Variants in ENPEP observed in about 807,000 individuals in gnomAD.
The protein encoded by ENPEP is AP-A.
Under a neutral mutation model 114.5 loss-of-function variants are expected in ENPEP, and 103 were observed. The observed-to-expected ratio is 0.90, with a 90% CI of 0.77 to 1.06. ENPEP has a LOEUF of 1.06. Ranked by LOEUF, ENPEP falls within the 50% of genes least tolerant of loss-of-function variation. The pLI, the probability that ENPEP is intolerant of heterozygous loss-of-function variation, is 0.00. For synonymous variants in ENPEP, 420 were observed against 422.0 expected, an observed-to-expected ratio of 1.00 and a Z score of 0.06; for missense variants, 1,196 against 1,161.3, an observed-to-expected ratio of 1.03 and a Z score of -0.43.
Position 110,549,826 on chromosome 4 carries a change from A to G in ENPEP, c.2441A>G (p.Gln814Arg). ...CAATACCAGAAAACTTCATTAGCTC[A>G]AGAAAAAGAAAAACTGCTGTATGGA... ...LEQYQKTSLA[Q>R]EKEKLLYGLA... Residue 814 changes from glutamine (Q) to arginine (R), a missense_variant, in exon 17 of 20, where the codon CAA (glutamine) becomes CGA (arginine). Coordinates refer to ENST00000265162, the MANE Select transcript of ENPEP (RefSeq NM_001977.4). 1 of 1,613,154 alleles carries G rather than the reference A, an allele frequency of 6.2e-7. No individual in the cohort carries two copies. The highest frequency in any genetic ancestry group is 2.2e-5 in the East Asian group (1 of 44,846).
At chr4:110,519,959 A>G in intron 8 of ENPEP, 49 bp from the exon 9 acceptor site, 1 of 1,553,086 alleles carries the variant, frequency 6.4e-7, no homozygotes. Flanking sequence ...TGAAAGTATG[A>G]GAAAAGCAAA....
In ENPEP at chr4:110,506,768, T is replaced by C. The variant is rs751371250; in HGVS notation, c.1039+11T>C. On this transcript the variant is annotated intron_variant, in intron 4 of 19. Coordinates refer to ENST00000265162, the MANE Select transcript of ENPEP (RefSeq NM_001977.4). ...CTCTTCCTAAATTAGGTGAGGATCATTTTTTAATTTTCTTATTTTTAATAT... is the reference window on the plus strand; with the variant it reads ...CTCTTCCTAAATTAGGTGAGGATCACTTTTTAATTTTCTTATTTTTAATAT... 1.3e-6 allele frequency: 2 copies of C among 1,504,014 alleles called. No homozygotes were observed. Among genetic ancestry groups the C allele is most frequent in the Non-Finnish European group, 1.8e-6 (2 of 1,105,920 alleles). The allele number at this position is 1,504,014 out of a possible 1,614,324, so 93.2% of individuals were successfully genotyped here. A position where few individuals can be genotyped will look rare whatever the true frequency, so the allele number is the denominator to read the frequency against.
At chr4:110,499,736 A>C (rs1725081637) in intron 3 of ENPEP, among the ~76,000 whole-genome samples, 1 of 152,214 alleles carries the variant, frequency 6.6e-6, no homozygotes, top group African/African-American at 2.4e-5. Flanking sequence ...TGATATTGCC[A>C]AATTAGTTTG....
chr4:110,476,537 A>T lies in ENPEP; in HGVS notation c.123A>T (p.Arg41Ser), dbSNP rs755520132. The change falls in exon 1 of 20, where the codon AGA (arginine) becomes AGT (serine). Residue 41 changes from arginine (R) to serine (S), a missense_variant. Transcript: ENST00000265162. ...TGGGACTTGCCGTGGGCTTGACCAG[A>T]TCGTGTGACTCCAGCGGGGACGGCG... ...LIVGLAVGLT[R>S]SCDSSGDGGP... The T allele has an allele frequency of 1.2e-6, 2 of 1,610,538 alleles. No individual in the cohort carries two copies. Among genetic ancestry groups the T allele is most frequent in the Admixed American group, 3.3e-5 (2 of 59,894 alleles).
chr4:110,509,560 A>G, intron 4 of ENPEP, 93 bp from the exon 5 acceptor site: 1 of 1,468,744 alleles, frequency 6.8e-7, no homozygotes, highest in Non-Finnish European at 9.1e-7. Context: ...TAGGCTTTTA[A>G]AAAACATTCA....
In ENPEP at chr4:110,541,476, A is replaced by G. The variant is rs112286190; in HGVS notation, c.1808-1275A>G. Among the ~76,000 whole-genome samples the G allele has an allele frequency of 3.8e-3, 581 of 152,150 alleles. 1 individual carries two copies. Among genetic ancestry groups the G allele is most frequent in the African/African-American group, 0.013 (552 of 41,522 alleles). On this transcript the variant is annotated intron_variant, in intron 11 of 19. Transcript: ENST00000265162. Reference sequence around the variant, plus strand: ...CTCTTGAATGCATCAACTTCTTTCTAGTTTCATCATCTCCACATTAGTGTA... The same window carrying G: ...CTCTTGAATGCATCAACTTCTTTCTGGTTTCATCATCTCCACATTAGTGTA...
intron 3 of ENPEP, among the ~76,000 whole-genome samples, chr4:110,495,293 G>A (rs561212120): frequency 1.3e-5 from 2 of 152,218 alleles, no homozygotes; most frequent in East Asian, 1.9e-4. Flanking sequence ...AAAATCCCCC[G>A]TATTAGTATA....
chr4:110,503,074 G>A (rs909936150), intron 3 of ENPEP, among the ~76,000 whole-genome samples: 1 of 152,056 alleles, frequency 6.6e-6, no homozygotes, highest in African/African-American at 2.4e-5. Flanking sequence ...CCCACGACAG[G>A]CCCTGGTGTG....
intron 11 of ENPEP, among the ~76,000 whole-genome samples, chr4:110,534,814 T>C (rs951104912): frequency 2.6e-5 from 4 of 151,048 alleles, no homozygotes; most frequent in Non-Finnish European, 5.9e-5. Context: ...TGGCCTCTCT[T>C]TTTTTTTTCT....
At chr4:110,497,139 G>A (rs1724974464) in intron 3 of ENPEP, among the ~76,000 whole-genome samples, 1 of 152,158 alleles carries the variant, frequency 6.6e-6, no homozygotes, top group Non-Finnish European at 1.5e-5. Flanking sequence ...TTCCCCAGTG[G>A]ATGTCCACAA....
At chr4:110,534,758 C>T (rs1193052461) in intron 11 of ENPEP, among the ~76,000 whole-genome samples, 4 of 151,952 alleles carry the variant, frequency 2.6e-5, no homozygotes, top group Admixed American at 2.6e-4. Flanking sequence ...ATCTACCTGC[C>T]TCAGCCTCCC....
At chr4:110,502,372 T>TATTTCCTACC (rs1725195852) in intron 3 of ENPEP, among the ~76,000 whole-genome samples, 1 of 152,218 alleles carries the variant, frequency 6.6e-6, no homozygotes, top group Admixed American at 6.5e-5. Context: ...TCTGGAATGG[T>TATTTCCTACC]ATTTCCTAGG....
intron 11 of ENPEP, among the ~76,000 whole-genome samples, chr4:110,535,799 C>T (rs1435848078): frequency 1.3e-5 from 2 of 152,082 alleles, no homozygotes; most frequent in Non-Finnish European, 2.9e-5. Context: ...CCAGCCTGAC[C>T]AACATAGAGA....
intron 11 of ENPEP, among the ~76,000 whole-genome samples, chr4:110,536,439 A>AG (rs1441270534): frequency 6.6e-6 from 1 of 152,176 alleles, no homozygotes; most frequent in Non-Finnish European, 1.5e-5. Context: ...GCTCAAAGAC[A>AG]GGGGAAGATA....
intron 3 of ENPEP, among the ~76,000 whole-genome samples, chr4:110,500,985 G>T (rs1398283179): frequency 6.6e-6 from 1 of 152,024 alleles, no homozygotes; most frequent in African/African-American, 2.4e-5. Context: ...CACAAGGGAG[G>T]ATGCTTTCAA....
chr4:110,483,018 A>C (rs976701451), intron 1 of ENPEP, among the ~76,000 whole-genome samples: 7 of 152,190 alleles, frequency 4.6e-5, no homozygotes, highest in African/African-American at 1.4e-4. Flanking sequence ...CAAACAAACA[A>C]AAAAAGAATA....
chr4:110,506,858 C>T, intron 4 of ENPEP, 101 bp downstream of exon 4: 1 of 1,059,310 alleles, frequency 9.4e-7, no homozygotes, highest in Non-Finnish European at 1.3e-6. Context: ...TAACAGTTAT[C>T]CTTAAGTCCT....
At chr4:110,499,283 AT>A (rs1202507273) in intron 3 of ENPEP, among the ~76,000 whole-genome samples, 34 of 152,172 alleles carry the variant, frequency 2.2e-4, no homozygotes, top group African/African-American at 8.2e-4. Context: ...GTGTTATTTA[AT>A]ACTCGAAATA....
At position 110,476,710 on chromosome 4, in the gene ENPEP, C is replaced by T; in HGVS notation, c.296C>T (p.Pro99Leu). The change falls in exon 1 of 20, where the codon CCA (proline) becomes CTA (leucine). Residue 99 changes from proline (P) to leucine (L), a missense_variant. Transcript: ENST00000265162. ...TTTCGACTGCCGGACTTCGTCAACCCAGTCCACTACGACCTGCACGTGAAG... is the reference window on the plus strand; with the variant it reads ...TTTCGACTGCCGGACTTCGTCAACCTAGTCCACTACGACCTGCACGTGAAG... ...KNFRLPDFVNPVHYDLHVKPL... is the reference protein window; with the variant it reads ...KNFRLPDFVNLVHYDLHVKPL... 1 of 1,613,944 alleles carries T rather than the reference C, an allele frequency of 6.2e-7. No individual in the cohort carries two copies. Among genetic ancestry groups the T allele is most frequent in the Admixed American group, 1.7e-5 (1 of 60,036 alleles).
Sources: gnomAD v4.1 joint callset for allele counts (sites outside exome capture counted in the v4.1 genomes callset) on GRCh38, gnomAD v4.1.1 for gene constraint, MANE v1.5 for transcripts, NCBI Gene and HGNC (gene_info 2026-07-23, HGNC 2026-07-21) for gene names.